Variants in FBXW10B observed in about 807,000 individuals in gnomAD.
FBXW10B encodes the protein F-box and WD repeat domain containing protein 10B.
At chr17:15,580,152 T>A in the FBXW10B span, among the ~76,000 whole-genome samples, 1 of 151,814 alleles carries the variant, frequency 6.6e-6, no homozygotes, top group East Asian at 1.9e-4. Flanking sequence ...TTTGCATGCG[T>A]GAGTGAATGA....
chr17:15,604,052 C>T, the FBXW10B span, among the ~76,000 whole-genome samples: 1 of 147,094 alleles, frequency 6.8e-6, no homozygotes, highest in Non-Finnish European at 1.5e-5. Context: ...TGCCCTCCAG[C>T]CTGGGTGACA....
chr17:15,614,436 C>T, the FBXW10B span, among the ~76,000 whole-genome samples: 2,269 of 151,948 alleles, frequency 0.015, 52 homozygotes, highest in African/African-American at 0.051. Context: ...CCGTGTGATC[C>T]GCCCGCCTCA....
chr17:15,589,814 A>G, the FBXW10B span, among the ~76,000 whole-genome samples: 1 of 151,886 alleles, frequency 6.6e-6, no homozygotes, highest in Non-Finnish European at 1.5e-5. Flanking sequence ...ATAAACCGTT[A>G]CCCTGTAAGC....
the FBXW10B span, chr17:15,618,814 T>C: frequency 3.2e-5 from 31 of 983,028 alleles, no homozygotes; most frequent in Non-Finnish European, 3.7e-5. Context: ...AAGAAGGAAG[T>C]TACACTCAGT....
chr17:15,591,291 A>G, the FBXW10B span, among the ~76,000 whole-genome samples: 1 of 152,100 alleles, frequency 6.6e-6, no homozygotes, highest in African/African-American at 2.4e-5. Context: ...CATGTTTAAA[A>G]TCATTTTTTT....
At chr17:15,614,293 A>G in the FBXW10B span, among the ~76,000 whole-genome samples, 1 of 151,536 alleles carries the variant, frequency 6.6e-6, no homozygotes, top group African/African-American at 2.4e-5. Context: ...GGTTCACGCC[A>G]TTCTCCTGCC....
the FBXW10B span, among the ~76,000 whole-genome samples, chr17:15,611,094 G>A: frequency 2.2e-3 from 336 of 150,952 alleles, 4 homozygotes; most frequent in African/African-American, 7.9e-3. Flanking sequence ...CGCAATCTCG[G>A]CTCACTGCAA....
At chr17:15,603,956 T>C in the FBXW10B span, among the ~76,000 whole-genome samples, 2 of 140,686 alleles carry the variant, frequency 1.4e-5, 1 homozygote, top group South Asian at 4.9e-4. Context: ...GGCGGGCCCC[T>C]GCAGTCTCAG....
chr17:15,603,917 CAAAAA>C, the FBXW10B span, among the ~76,000 whole-genome samples: 5,516 of 103,394 alleles, frequency 0.053, 169 homozygotes, highest in East Asian at 0.12. Flanking sequence ...CTAAAAAATA[CAAAAA>C]AAAAAAAAAT....
At chr17:15,570,116 T>C in the FBXW10B span, among the ~76,000 whole-genome samples, 1 of 152,162 alleles carries the variant, frequency 6.6e-6, no homozygotes, top group African/African-American at 2.4e-5. Flanking sequence ...TAATGCTTAA[T>C]AATGGATGGA....
the FBXW10B span, among the ~76,000 whole-genome samples, chr17:15,602,660 G>A: frequency 1.6e-3 from 136 of 87,396 alleles, 8 homozygotes; most frequent in East Asian, 0.041. Context: ...ACGGAGTCTC[G>A]CTGTCGCCCA....
At chr17:15,614,122 C>G in the FBXW10B span, 15 of 1,443,688 alleles carry the variant, frequency 1.0e-5, no homozygotes, top group African/African-American at 3.1e-5. Flanking sequence ...AGCTCTCCCA[C>G]AAAATAAACC....
At chr17:15,566,559 G>T in the FBXW10B span, among the ~76,000 whole-genome samples, 1 of 150,658 alleles carries the variant, frequency 6.6e-6, no homozygotes, top group African/African-American at 2.5e-5. Flanking sequence ...AAATTTTTTT[G>T]TTTGTTTGTT....
chr17:15,583,515 A>G, the FBXW10B span, among the ~76,000 whole-genome samples: 1 of 148,434 alleles, frequency 6.7e-6, no homozygotes, highest in Non-Finnish European at 1.5e-5. Context: ...ACCACATTAT[A>G]TACAGTTGTT....
At chr17:15,591,580 G>A in the FBXW10B span, among the ~76,000 whole-genome samples, 491 of 152,282 alleles carry the variant, frequency 3.2e-3, 1 homozygote, top group African/African-American at 0.01. Context: ...GAGCCACTGC[G>A]CCTGGCCTCA....
chr17:15,589,958 C>T, the FBXW10B span, among the ~76,000 whole-genome samples: 10 of 152,216 alleles, frequency 6.6e-5, no homozygotes, highest in Non-Finnish European at 1.5e-5. Flanking sequence ...AATGAATCTA[C>T]AAATACCATA....
the FBXW10B span, among the ~76,000 whole-genome samples, chr17:15,597,196 CT>C: frequency 6.6e-6 from 1 of 151,446 alleles, no homozygotes; most frequent in South Asian, 2.1e-4. Flanking sequence ...CTGAATCTGA[CT>C]TTTCAATTTT....
the FBXW10B span, chr17:15,573,851 AT>A: frequency 0.17 from 61,034 of 365,916 alleles, 15,680 homozygotes; most frequent in African/African-American, 0.7. Context: ...ATTTTCTATA[AT>A]TTTTTTTTGC....
the FBXW10B span, chr17:15,612,569 C>G: frequency 2.3e-5 from 30 of 1,305,786 alleles, no homozygotes; most frequent in South Asian, 4.0e-4. Context: ...ACAGAACTCT[C>G]GTCTTCCTTA....
Sources: allele counts gnomAD v4.1 joint callset (sites outside exome capture counted in the v4.1 genomes callset), GRCh38; gene constraint gnomAD v4.1.1; transcripts MANE v1.5; gene names NCBI Gene and HGNC (gene_info 2026-07-23, HGNC 2026-07-21).